The following DCAF8 variants were observed in gnomAD, a reference collection of about 807,000 sequenced individuals.
DCAF8 encodes DDB1- and CUL4-associated factor 8.
DCAF8 carries 20 observed loss-of-function variants against 68.0 expected under a neutral mutation model. The ratio of observed to expected loss-of-function variants is 0.29; its 90% CI spans 0.21 to 0.43. The LOEUF is 0.43. Ranked by LOEUF, DCAF8 falls within the 20% of genes least tolerant of loss-of-function variation. The pLI is 1.00. For synonymous variants in DCAF8, 230 were observed against 276.9 expected (o/e 0.83, Z 1.68); for missense variants, 460 against 771.0 (o/e 0.60, Z 4.78).
At chr1:160,236,892 A>G (rs905067905) in intron 6 of DCAF8, among the ~76,000 whole-genome samples, 9 of 152,240 alleles carry the variant, frequency 5.9e-5, no homozygotes, top group Non-Finnish European at 7.3e-5. Context: ...AGAGCAAAAG[A>G]TCATCAAATT....
chr1:160,243,835 A>G, intron 3 of DCAF8, 125 bp downstream of exon 3: 2 of 896,226 alleles, frequency 2.2e-6, no homozygotes, highest in Non-Finnish European at 3.6e-6. Flanking sequence ...AGTTTCCTAA[A>G]CTCAGAACAA....
At position 160,217,250 on chromosome 1, in the gene DCAF8, G is replaced by C; in HGVS notation, c.*342C>G. ...TCCCCCCACCCCTCCCCCAGCCCAA[G>C]AAACAAGGGAGATTAAAGAAAAAGA... On this transcript the variant is annotated 3_prime_UTR_variant, in exon 14 of 14. Transcript: ENST00000368074. 5.6e-6 allele frequency: 1 copy of C among 180,162 alleles called. No homozygotes were observed. Among genetic ancestry groups the C allele is most frequent in the Non-Finnish European group, 1.1e-5 (1 of 87,230 alleles). The allele number at this position is 180,162 out of a possible 1,614,324, so 11.2% of individuals were successfully genotyped here.
chr1:160,241,454 C>G (rs1242918007), intron 3 of DCAF8, among the ~76,000 whole-genome samples: 1 of 152,170 alleles, frequency 6.6e-6, no homozygotes, highest in Non-Finnish European at 1.5e-5. Flanking sequence ...GACGAAAGTT[C>G]AGTATATTCT....
intron 7 of DCAF8, 60 bp from the exon 8 acceptor site, chr1:160,225,723 C>A: frequency 1.4e-6 from 2 of 1,391,416 alleles, no homozygotes; most frequent in Non-Finnish European, 2.0e-6. Flanking sequence ...TGAAGAGCTG[C>A]AATTTGATGT....
At chr1:160,222,920 C>T in intron 10 of DCAF8, 139 bp from the exon 11 acceptor site, 1 of 1,247,810 alleles carries the variant, frequency 8.0e-7, no homozygotes, top group East Asian at 2.5e-5. Flanking sequence ...ATAGGAATCA[C>T]ACCAGTCCCA....
At chr1:160,240,438 T>C (rs1656066967) in intron 3 of DCAF8, 68 bp from the exon 4 acceptor site, 1 of 1,440,290 alleles carries the variant, frequency 6.9e-7, no homozygotes. Context: ...ACCACCTTAG[T>C]CTAAGAAATC....
intron 6 of DCAF8, among the ~76,000 whole-genome samples, chr1:160,232,841 C>T (rs1025752192): frequency 6.6e-6 from 1 of 152,002 alleles, no homozygotes; most frequent in African/African-American, 2.4e-5. Context: ...ATAAAAAACC[C>T]AGCTTAAAAT....
intron 2 of DCAF8, among the ~76,000 whole-genome samples, chr1:160,252,372 T>C (rs1244178973): frequency 6.6e-6 from 1 of 152,160 alleles, no homozygotes; most frequent in Non-Finnish European, 1.5e-5. Context: ...CCATGGAAAA[T>C]TAGCTTTTAA....
rs1655675061 is a variant in DCAF8, at chr1:160,231,293, T to G, written c.1070+4A>C. 4 of 1,608,960 alleles carry G rather than the reference T, an allele frequency of 2.5e-6. No homozygotes were observed. Among genetic ancestry groups the G allele is most frequent in the Non-Finnish European group, 3.4e-6 (4 of 1,175,496 alleles). ...TCAAAGACACAAAAGAGCCACAAACTCACCTTACAAACTGATCTCGTCCAC... is the reference window on the plus strand; with the variant it reads ...TCAAAGACACAAAAGAGCCACAAACGCACCTTACAAACTGATCTCGTCCAC... On this transcript the variant is annotated splice_donor_region_variant and intron_variant, in intron 7 of 13. Transcript: ENST00000368074.
intron 2 of DCAF8, among the ~76,000 whole-genome samples, chr1:160,247,746 T>A (rs920503059): frequency 3.9e-5 from 6 of 152,222 alleles, no homozygotes; most frequent in East Asian, 1.9e-4. Context: ...TCAGATTTTT[T>A]AATTTGGGAT....
intron 11 of DCAF8, chr1:160,220,420 A>C (rs1655257620): frequency 6.6e-6 from 1 of 152,294 alleles, no homozygotes; most frequent in Admixed American, 6.5e-5. Flanking sequence ...CTAAGGAAAA[A>C]GCCAGTGGCA....
At chr1:160,223,179 T>C (rs1655354321) in intron 10 of DCAF8, among the ~76,000 whole-genome samples, 1 of 152,226 alleles carries the variant, frequency 6.6e-6, no homozygotes, top group East Asian at 1.9e-4. Flanking sequence ...GGTCATCAGC[T>C]GATCTGAGAC....
chr1:160,234,800 A>G (rs1237260982), intron 6 of DCAF8, among the ~76,000 whole-genome samples: 1 of 150,870 alleles, frequency 6.6e-6, no homozygotes, highest in African/African-American at 2.5e-5. Flanking sequence ...TCAGATAACT[A>G]CAAAGCTAGT....
chr1:160,257,795 A>T (rs1656898241), intron 2 of DCAF8, among the ~76,000 whole-genome samples: 1 of 152,204 alleles, frequency 6.6e-6, no homozygotes, highest in South Asian at 2.1e-4. Flanking sequence ...CACTGCAGTG[A>T]TCACTGCGCA....
At chr1:160,222,808 C>T (rs1331720436) in intron 10 of DCAF8, 27 bp from the exon 11 acceptor site, 1 of 1,613,940 alleles carries the variant, frequency 6.2e-7, no homozygotes, top group Non-Finnish European at 8.5e-7. Flanking sequence ...GGGAAGAAAC[C>T]ACATGAGGGT....
chr1:160,255,115 G>A (rs1352596152), intron 2 of DCAF8, among the ~76,000 whole-genome samples: 1 of 152,084 alleles, frequency 6.6e-6, no homozygotes, highest in African/African-American at 2.4e-5. Context: ...ATATAATATA[G>A]GACACAGTCC....
intron 6 of DCAF8, among the ~76,000 whole-genome samples, chr1:160,234,067 A>C (rs1385661309): frequency 2.6e-5 from 4 of 152,172 alleles, no homozygotes. Context: ...TTCCATCCAC[A>C]GGTTCAAATC....
intron 2 of DCAF8, among the ~76,000 whole-genome samples, chr1:160,248,745 C>T (rs554402018): frequency 2.0e-5 from 3 of 151,282 alleles, no homozygotes; most frequent in Non-Finnish European, 2.9e-5. Flanking sequence ...ATAATTATCG[C>T]GAGCTGGATA....
chr1:160,238,828 C>A, intron 4 of DCAF8, 81 bp from the exon 5 acceptor site: 1 of 1,344,614 alleles, frequency 7.4e-7, no homozygotes, highest in East Asian at 2.7e-5. Flanking sequence ...CGATGATGAC[C>A]TCAACTTACC....
Sources: allele counts gnomAD v4.1 joint callset (sites outside exome capture counted in the v4.1 genomes callset), GRCh38; gene constraint gnomAD v4.1.1; transcripts MANE v1.5; gene names NCBI Gene and HGNC (gene_info 2026-07-23, HGNC 2026-07-21).